The following DYNC1I1 variants were observed in gnomAD, a reference collection of about 807,000 sequenced individuals.
The protein encoded by DYNC1I1 is cytoplasmic dynein 1 intermediate chain 1.
DYNC1I1 carries 43 observed loss-of-function variants against 86.6 expected under a neutral mutation model. The ratio of observed to expected loss-of-function variants is 0.50; its 90% CI spans 0.39 to 0.64. DYNC1I1 has a LOEUF of 0.64. Among genes scored for constraint, DYNC1I1 ranks in the 30% least tolerant of loss-of-function variants. The probability of loss-of-function intolerance (pLI) is 0.00; values close to 1 mark genes in which losing one functional copy is unlikely to be tolerated. For missense variants in DYNC1I1, 604 were observed against 788.8 expected, an observed-to-expected ratio of 0.77 and a Z score of 2.81; for synonymous variants, 262 against 283.7, an observed-to-expected ratio of 0.92 and a Z score of 0.77.
chr7:95,859,340 C>T lies in DYNC1I1; in HGVS notation c.375-10543C>T, dbSNP rs547510346. Reference sequence around the variant, plus strand: ...TTTTCTGTAGGGTCAGTCACTGGCACATTATTTTGACCCTTTGGGAATGTC... The same window carrying T: ...TTTTCTGTAGGGTCAGTCACTGGCATATTATTTTGACCCTTTGGGAATGTC... On this transcript the variant is annotated intron_variant, in intron 5 of 16. Coordinates refer to ENST00000447467, the MANE Select transcript of DYNC1I1 (RefSeq NM_001135556.2). 3.9e-5 allele frequency among the ~76,000 whole-genome samples: 6 copies of T among 152,146 alleles called. No individual in the cohort carries two copies. In the East Asian group the frequency reaches 1.2e-3, roughly 29 times the overall value.
intron 5 of DYNC1I1, among the ~76,000 whole-genome samples, chr7:95,845,599 A>G (rs1422704281): frequency 6.6e-6 from 1 of 152,216 alleles, no homozygotes; most frequent in Admixed American, 6.5e-5. Flanking sequence ...GAGCAAGTTG[A>G]CAACCTCTGC....
intron 14 of DYNC1I1, among the ~76,000 whole-genome samples, chr7:96,075,756 G>A (rs1296495414): frequency 6.6e-6 from 1 of 152,102 alleles, no homozygotes; most frequent in South Asian, 2.1e-4. Flanking sequence ...CGAGAATTCC[G>A]AACTAATGGA....
chr7:95,809,656 T>C (rs978922442), intron 2 of DYNC1I1, among the ~76,000 whole-genome samples: 1 of 152,182 alleles, frequency 6.6e-6, no homozygotes, highest in Non-Finnish European at 1.5e-5. Context: ...CAACTGGGCA[T>C]AGGATCTGAC....
intron 10 of DYNC1I1, among the ~76,000 whole-genome samples, chr7:96,006,485 C>T (rs552475759): frequency 6.6e-6 from 1 of 152,138 alleles, no homozygotes; most frequent in South Asian, 2.1e-4. Flanking sequence ...ATTTTCAGAA[C>T]AGGATTTCAC....
intron 10 of DYNC1I1, among the ~76,000 whole-genome samples, chr7:96,014,074 A>C (rs1193208819): frequency 6.6e-6 from 1 of 152,124 alleles, no homozygotes; most frequent in African/African-American, 2.4e-5. Context: ...CTCTGACCAG[A>C]GCAGGAAACA....
At chr7:95,994,061 C>G (rs1793797655) in intron 9 of DYNC1I1, among the ~76,000 whole-genome samples, 1 of 152,040 alleles carries the variant, frequency 6.6e-6, no homozygotes. Context: ...TTTCTAATAC[C>G]TAGAATCACT....
chr7:95,787,999 C>T (rs1470055251), intron 1 of DYNC1I1, among the ~76,000 whole-genome samples: 1 of 152,106 alleles, frequency 6.6e-6, no homozygotes, highest in African/African-American at 2.4e-5. Context: ...GTTTGAGGAA[C>T]AGTTAGTAGG....
intron 5 of DYNC1I1, among the ~76,000 whole-genome samples, chr7:95,836,923 G>A (rs1370250532): frequency 5.9e-5 from 9 of 151,432 alleles, no homozygotes; most frequent in South Asian, 4.2e-4. Flanking sequence ...ATGTCCTCCC[G>A]TAGCTCAGAG....
At chr7:95,951,410 AACTCAGG>A (rs1462065149) in intron 6 of DYNC1I1, among the ~76,000 whole-genome samples, 25 of 152,262 alleles carry the variant, frequency 1.6e-4, no homozygotes, top group African/African-American at 5.5e-4. Flanking sequence ...GGGGTGGCCC[AACTCAGG>A]ACTAATTTGG....
intron 6 of DYNC1I1, among the ~76,000 whole-genome samples, chr7:95,878,798 C>A (rs1790374460): frequency 6.6e-6 from 1 of 151,652 alleles, no homozygotes; most frequent in Non-Finnish European, 1.5e-5. Flanking sequence ...ATGCTGAAAC[C>A]CAAAGACAAG....
intron 5 of DYNC1I1, among the ~76,000 whole-genome samples, chr7:95,836,082 T>A (rs1244632302): frequency 3.3e-5 from 5 of 152,330 alleles, no homozygotes; most frequent in African/African-American, 9.6e-5. Context: ...GGTCTTTACA[T>A]TTTGGCATGA....
chr7:95,900,853 GT>G (rs1195591044), intron 6 of DYNC1I1, among the ~76,000 whole-genome samples: 2 of 152,154 alleles, frequency 1.3e-5, no homozygotes, highest in Admixed American at 1.3e-4. Context: ...TAAGGAATGA[GT>G]TGCACAATAC....
intron 11 of DYNC1I1, 114 bp from the exon 12 acceptor site, chr7:96,032,553 A>G (rs1794838148): frequency 5.1e-6 from 4 of 786,088 alleles, no homozygotes; most frequent in Admixed American, 5.3e-5. Context: ...CGCTTGTATT[A>G]TAGTAGGATT....
At chr7:96,056,205 A>G (rs563317337) in intron 14 of DYNC1I1, 2 of 152,172 alleles carry the variant, frequency 1.3e-5, no homozygotes, top group East Asian at 1.9e-4. Flanking sequence ...AGGCCAGTCA[A>G]TGAGCTGAGT....
At chr7:95,834,941 T>C (rs1480135481) in intron 5 of DYNC1I1, among the ~76,000 whole-genome samples, 19 of 151,402 alleles carry the variant, frequency 1.3e-4, no homozygotes, top group African/African-American at 4.6e-4. Context: ...TTCATTAATT[T>C]TTTGAAGGGT....
At chr7:95,966,822 G>A (rs966511180) in intron 6 of DYNC1I1, among the ~76,000 whole-genome samples, 2 of 152,160 alleles carry the variant, frequency 1.3e-5, no homozygotes, top group Admixed American at 6.5e-5. Context: ...CCTGGTGACC[G>A]GTGACTAGGA....
At chr7:95,938,180 G>A (rs995839818) in intron 6 of DYNC1I1, among the ~76,000 whole-genome samples, 5 of 152,140 alleles carry the variant, frequency 3.3e-5, no homozygotes, top group African/African-American at 1.2e-4. Flanking sequence ...GAAGGGCAAG[G>A]AGCATTTTTA....
At chr7:95,804,255 T>A (rs1794651599) in intron 1 of DYNC1I1, 2 of 611,812 alleles carry the variant, frequency 3.3e-6, no homozygotes, top group Middle Eastern at 3.3e-4. Flanking sequence ...GAGGAATGTT[T>A]ATTGAGTCCA....
At chr7:96,002,800 T>C (rs865861462) in intron 10 of DYNC1I1, among the ~76,000 whole-genome samples, 1 of 148,544 alleles carries the variant, frequency 6.7e-6, no homozygotes, top group African/African-American at 2.5e-5. Flanking sequence ...AAGCTCAGCA[T>C]TTTTTTTTTG....
Sources: gnomAD v4.1 joint callset for allele counts (sites outside exome capture counted in the v4.1 genomes callset) on GRCh38, gnomAD v4.1.1 for gene constraint, MANE v1.5 for transcripts, NCBI Gene and HGNC (gene_info 2026-07-23, HGNC 2026-07-21) for gene names.